MAD1L1: variants seen among roughly 807,000 people sequenced by gnomAD.
MAD1L1 encodes the protein mitotic spindle assembly checkpoint protein MAD1.
A neutral mutation model predicts 96.9 loss-of-function variants in MAD1L1; 95 were observed. The ratio of observed to expected loss-of-function variants is 0.98; its 90% CI spans 0.83 to 1.16. The LOEUF is 1.16. Ranked by LOEUF, MAD1L1 falls within the 50% of genes most tolerant of loss-of-function variation. The pLI is 0.00. For missense variants in MAD1L1, 1,007 were observed against 954.4 expected (o/e 1.06, Z -0.73); for synonymous variants, 473 against 396.6 (o/e 1.19, Z -2.29).
At chr7:2,148,730 T>C (rs187289367) in intron 11 of MAD1L1, 2 of 190,778 alleles carry the variant, frequency 1.0e-5, no homozygotes, top group South Asian at 1.2e-4. Context: ...TTGGTATTCA[T>C]AGTGAGCCCC....
At chr7:2,018,220 T>G (rs888967823) in intron 12 of MAD1L1, among the ~76,000 whole-genome samples, 13 of 152,086 alleles carry the variant, frequency 8.5e-5, no homozygotes, top group African/African-American at 3.1e-4. Context: ...TGTGTGACCT[T>G]GGGAAAAACA....
intron 11 of MAD1L1, among the ~76,000 whole-genome samples, chr7:2,102,253 T>C (rs535019965): frequency 2.2e-5 from 3 of 138,812 alleles, no homozygotes; most frequent in South Asian, 2.4e-4. Flanking sequence ...ACCGCCACTG[T>C]CACCATCACC....
chr7:2,173,045 T>C (rs910006903), intron 10 of MAD1L1, among the ~76,000 whole-genome samples: 7 of 152,314 alleles, frequency 4.6e-5, no homozygotes, highest in Non-Finnish European at 1.0e-4. Flanking sequence ...TGAAGTTACA[T>C]AAACAAAGTG....
At chr7:1,944,453 T>G (rs57840680) in intron 16 of MAD1L1, among the ~76,000 whole-genome samples, 40 of 152,270 alleles carry the variant, frequency 2.6e-4, no homozygotes, top group African/African-American at 9.6e-4. Context: ...TGCCAGAGCC[T>G]GCGGGGCTGA....
intron 11 of MAD1L1, among the ~76,000 whole-genome samples, chr7:2,105,195 A>G (rs1041930145): frequency 2.0e-5 from 3 of 152,048 alleles, no homozygotes; most frequent in Non-Finnish European, 4.4e-5. Context: ...TATTCCAGTG[A>G]GCAGAAAGGG....
chr7:1,927,276 G>T (rs73671932), intron 17 of MAD1L1, among the ~76,000 whole-genome samples: 5,865 of 152,308 alleles, frequency 0.039, 241 homozygotes, highest in African/African-American at 0.097. Flanking sequence ...TCATGTATCG[G>T]AAGACTCACT....
chr7:1,913,738 G>A (rs1330250111), intron 17 of MAD1L1, among the ~76,000 whole-genome samples: 1 of 152,158 alleles, frequency 6.6e-6, no homozygotes, highest in Non-Finnish European at 1.5e-5. Context: ...GGAAGCAGCT[G>A]GTCGGGGACA....
chr7:2,157,189 CTAAG>C (rs1366272562), intron 10 of MAD1L1, among the ~76,000 whole-genome samples: 1 of 152,144 alleles, frequency 6.6e-6, no homozygotes, highest in South Asian at 2.1e-4. Flanking sequence ...CAAAAGAGTG[CTAAG>C]TAATACAATA....
chr7:2,102,651 C>T (rs1462291465), intron 11 of MAD1L1, among the ~76,000 whole-genome samples: 1 of 151,574 alleles, frequency 6.6e-6, no homozygotes, highest in Admixed American at 6.6e-5. Flanking sequence ...GCCACTGTCA[C>T]TATCTCCACT....
chr7:2,152,179 C>T (rs1026235207), intron 10 of MAD1L1, among the ~76,000 whole-genome samples: 8 of 152,242 alleles, frequency 5.3e-5, no homozygotes, highest in African/African-American at 1.2e-4. Context: ...AGCACTGTCA[C>T]GTGATGGGCT....
intron 18 of MAD1L1, among the ~76,000 whole-genome samples, chr7:1,871,240 C>T (rs1355005469): frequency 1.4e-5 from 2 of 143,950 alleles, no homozygotes; most frequent in African/African-American, 2.7e-5. Context: ...CCAACATACG[C>T]CTGCCACGCT....
intron 17 of MAD1L1, among the ~76,000 whole-genome samples, chr7:1,912,651 A>C (rs935650555): frequency 3.3e-5 from 5 of 152,216 alleles, no homozygotes; most frequent in Admixed American, 6.5e-5. Flanking sequence ...CACCAGCTCC[A>C]GGCAGACCCA....
At chr7:2,074,013 C>T (rs775169171) in intron 11 of MAD1L1, among the ~76,000 whole-genome samples, 55 of 152,274 alleles carry the variant, frequency 3.6e-4, no homozygotes, top group Non-Finnish European at 6.8e-4. Flanking sequence ...AACACCAAGA[C>T]GTGACAAGGA....
At chr7:1,891,288 G>C (rs1786522920) in intron 18 of MAD1L1, among the ~76,000 whole-genome samples, 1 of 152,014 alleles carries the variant, frequency 6.6e-6, no homozygotes, top group Admixed American at 6.5e-5. Flanking sequence ...CACTTTAGGA[G>C]GCCGAGGAGG....
rs551569137 is a variant in MAD1L1, at chr7:1,980,496, C to T, written c.1462G>A (p.Glu488Lys). ...KMLKSQSSSA[E>K]QSFLFSREEA... The stretch of plus-strand genomic sequence containing the variant: ...TCCCTGGAGAACAGGAAGCTCTGTT[C>T]GGCAGAGCTGGACTGAGACTTCAGC... Residue 488 changes from glutamate (E) to lysine (K), a missense_variant, in exon 15 of 19, where the codon GAA becomes AAA. Coordinates refer to ENST00000265854, the MANE Select transcript of MAD1L1 (RefSeq NM_001013836.2). 21 of 1,602,030 alleles carry T rather than the reference C, an allele frequency of 1.3e-5. No individual in the cohort carries two copies. In the South Asian group the frequency reaches 1.5e-4, roughly 12 times the overall value.
At chr7:2,168,367 G>C (rs1266905572) in intron 10 of MAD1L1, among the ~76,000 whole-genome samples, 1 of 152,214 alleles carries the variant, frequency 6.6e-6, no homozygotes, top group Non-Finnish European at 1.5e-5. Context: ...TGGGAACAAA[G>C]GACTTTAACG....
chr7:1,971,459 C>G (rs1042366694), intron 15 of MAD1L1, among the ~76,000 whole-genome samples: 3 of 152,066 alleles, frequency 2.0e-5, no homozygotes, highest in Admixed American at 2.0e-4. Flanking sequence ...TTAAGACTTA[C>G]AAAAACCTAT....
chr7:1,818,232 C>G (rs1026998617), intron 18 of MAD1L1, among the ~76,000 whole-genome samples: 2 of 152,096 alleles, frequency 1.3e-5, no homozygotes, highest in Non-Finnish European at 1.5e-5. Context: ...GCCCTTCGCC[C>G]TCCTCCCAAC....
chr7:2,086,845 G>A (rs3778955), intron 11 of MAD1L1, among the ~76,000 whole-genome samples: 7,481 of 152,240 alleles, frequency 0.049, 267 homozygotes, highest in African/African-American at 0.096. Context: ...ATGAGCCACC[G>A]CGCCCAGCAC....
Sources: gnomAD v4.1 joint callset for allele counts (sites outside exome capture counted in the v4.1 genomes callset) on GRCh38, gnomAD v4.1.1 for gene constraint, MANE v1.5 for transcripts, NCBI Gene and HGNC (gene_info 2026-07-23, HGNC 2026-07-21) for gene names.